BMI1: variants seen among roughly 807,000 people sequenced by gnomAD.
BMI1 encodes BMI1 proto-oncogene, polycomb ring finger.
A neutral mutation model predicts 39.1 loss-of-function variants in BMI1; 9 were observed. The ratio of observed to expected loss-of-function variants is 0.23; its 90% CI spans 0.14 to 0.40. The LOEUF (loss-of-function observed/expected upper bound fraction) is 0.40, where lower values mean the gene tolerates loss of function less well. Among genes scored for constraint, BMI1 ranks in the 10% least tolerant of loss-of-function variants. The probability of loss-of-function intolerance (pLI) is 1.00; values close to 1 mark genes in which losing one functional copy is unlikely to be tolerated. For missense variants in BMI1, 252 were observed against 390.8 expected, an observed-to-expected ratio of 0.64 and a Z score of 2.99; for synonymous variants, 131 against 127.9, an observed-to-expected ratio of 1.02 and a Z score of -0.16.
chr10:22,322,069 C>T (rs926892857), intron 1 of BMI1: 3 of 151,568 alleles, frequency 2.0e-5, no homozygotes, highest in African/African-American at 7.3e-5. Context: ...CCCGCTCCCC[C>T]GGGCGCCCCT....
At position 22,328,701 on chromosome 10, in the gene BMI1, A is replaced by T; in HGVS notation, c.570+3A>T. 6.4e-7 allele frequency: 1 copy of T among 1,563,192 alleles called. No individual in the cohort carries two copies. Among genetic ancestry groups the T allele is most frequent in the Non-Finnish European group, 8.6e-7 (1 of 1,159,888 alleles). On this transcript the variant is annotated splice_donor_region_variant and intron_variant, in intron 8 of 9. Coordinates refer to ENST00000376663, the MANE Select transcript of BMI1 (RefSeq NM_005180.9). Reference sequence around the variant, plus strand: ...TGGACATACCTAATACTTTCCAGGTATCTACTTTTATATTCTTCTTGCATT... The same window carrying T: ...TGGACATACCTAATACTTTCCAGGTTTCTACTTTTATATTCTTCTTGCATT...
At position 22,329,495 on chromosome 10, in the gene BMI1, C is replaced by T. The variant is rs142604751; in HGVS notation, c.934C>T (p.Pro312Ser). ...CCACCAATCTTCTTTTGCCAATAGA[C>T]CTCGAAAATCATCAGTAAATGGGTC... Reference protein sequence around the residue: ...GNHQSSFANRPRKSSVNGSSA... With the variant: ...GNHQSSFANRSRKSSVNGSSA... Residue 312 changes from proline (P) to serine (S), a missense_variant, in exon 10 of 10, where the codon CCT becomes TCT. Pro to Ser is a moderately conservative substitution (Grantham distance 74). Coordinates refer to ENST00000376663, the MANE Select transcript of BMI1 (RefSeq NM_005180.9). 2.5e-6 allele frequency: 4 copies of T among 1,614,022 alleles called. No individual in the cohort carries two copies. The Admixed American group carries it at 5.0e-5, about 20-fold the overall frequency.
Position 22,330,689 on chromosome 10 carries a change from T to C in BMI1, c.*1147T>C, listed in dbSNP as rs1031944856. 2.0e-5 allele frequency: 3 copies of C among 152,372 alleles called. No homozygotes were observed. The highest frequency in any genetic ancestry group is 2.0e-4 in the Admixed American group (3 of 15,292). The allele number at this position is 152,372 out of a possible 1,614,324, so 9.4% of individuals were successfully genotyped here. On this transcript the variant is annotated 3_prime_UTR_variant, in exon 10 of 10. Coordinates refer to ENST00000376663, the MANE Select transcript of BMI1 (RefSeq NM_005180.9). ...AGAAGGCATTTTATCTAAAGTTATTTTAATAGGTGGTATAGCAGTAATTTT... is the reference window on the plus strand; with the variant it reads ...AGAAGGCATTTTATCTAAAGTTATTCTAATAGGTGGTATAGCAGTAATTTT...
chr10:22,328,995 AAT>A, intron 8 of BMI1, 51 bp from the exon 9 acceptor site: 1 of 1,508,464 alleles, frequency 6.6e-7, no homozygotes. Context: ...AATGACAAAA[AAT>A]GTACATTTAC....
chr10:22,331,666 A>G (rs1287644452), downstream of BMI1, among the ~76,000 whole-genome samples: 3 of 152,170 alleles, frequency 2.0e-5, no homozygotes, highest in Non-Finnish European at 4.4e-5. Context: ...GACTTACATA[A>G]AACCAAGTTA....
chr10:22,329,484 T>C lies in BMI1; in HGVS notation c.923T>C (p.Phe308Ser). ...NSPSGNHQSS[F>S]ANRPRKSSVN... ...CCCAGCGGTAACCACCAATCTTCTT[T>C]TGCCAATAGACCTCGAAAATCATCA... Residue 308 changes from phenylalanine to serine, a missense_variant, in exon 10 of 10, where the codon TTT becomes TCT. Transcript: ENST00000376663. 1.2e-6 allele frequency: 2 copies of C among 1,614,222 alleles called. No individual in the cohort carries two copies. The highest frequency in any genetic ancestry group is 8.5e-7 in the Non-Finnish European group (1 of 1,180,030).
intron 1 of BMI1, among the ~76,000 whole-genome samples, chr10:22,323,401 C>A (rs1018867706): frequency 6.6e-6 from 1 of 152,182 alleles, no homozygotes; most frequent in African/African-American, 2.4e-5. Flanking sequence ...ACTTTGTATG[C>A]ATGTATACAC....
At position 22,322,394 on chromosome 10, in the gene BMI1, C is replaced by G. The variant is rs370178514; in HGVS notation, c.-20+698C>G. On this transcript the variant is annotated intron_variant, in intron 1 of 9. Transcript: ENST00000376663. ...GTTATTAACTTAAGTTGGGGGGACA[C>G]TTGTCTGAGATTGGATGGCTGGTAA... Among the ~76,000 whole-genome samples, 17 of 152,310 alleles carry G rather than the reference C, an allele frequency of 1.1e-4. No homozygotes were observed. The South Asian group carries it at 2.5e-3, about 22-fold the overall frequency.
intron 1 of BMI1, chr10:22,325,531 G>C (rs1027897991): frequency 6.7e-6 from 1 of 149,996 alleles, no homozygotes; most frequent in African/African-American, 2.4e-5. Context: ...CCGCTCCCCA[G>C]CGCTGTGGCC....
rs113205079 is a variant in BMI1 at position 22,324,395 on chromosome 10, T to C, written c.-19-2036T>C. On this transcript the variant is annotated intron_variant, in intron 1 of 9. Coordinates refer to ENST00000376663, the MANE Select transcript of BMI1 (RefSeq NM_005180.9). ...ATTTGATTTAAATATTGCTACTCTT[T>C]AGGGTCATTGCTCTACCTACAACTC... Among the ~76,000 whole-genome samples the C allele has an allele frequency of 4.0e-3, 617 of 152,352 alleles. 1 individual carries two copies. The highest frequency in any genetic ancestry group is 6.2e-3 in the Non-Finnish European group (423 of 68,028).
rs1340987569 is a variant in BMI1, at chr10:22,321,197, G to GCCCGCCTC, written c.-515_-508dup. ...CGCACACACACGGCGCCCCCCGCCC[G>GCCCGCCTC]CCCGCCTCCCCCACAGCAACTATGA... On this transcript the variant is annotated 5_prime_UTR_variant, in exon 1 of 10. Coordinates refer to ENST00000376663, the MANE Select transcript of BMI1 (RefSeq NM_005180.9). 1 of 76,872 alleles carries GCCCGCCTC rather than the reference G, an allele frequency of 1.3e-5. No homozygotes were observed. Among genetic ancestry groups the GCCCGCCTC allele is most frequent in the African/African-American group, 4.8e-5 (1 of 20,630 alleles). 4.8% of individuals were successfully genotyped at this position (76,872 alleles called of 1,614,324 possible).
chr10:22,325,659 C>T (rs1479447115), intron 1 of BMI1: 1 of 148,448 alleles, frequency 6.7e-6, no homozygotes, highest in Non-Finnish European at 1.5e-5. Context: ...CCCCGCACGC[C>T]CGCCGAGGCT....
In BMI1 at chr10:22,329,528, A is replaced by T; in HGVS notation, c.967A>T (p.Thr323Ser). The stretch of plus-strand genomic sequence containing the variant: ...ATCATCAGTAAATGGGTCATCAGCA[A>T]CTTCTTCTGGTTGATACCTGAGACT... Reference protein sequence around the residue: ...RKSSVNGSSATSSG With the variant: ...RKSSVNGSSASSSG Residue 323 changes from threonine (T) to serine (S), a missense_variant, in exon 10 of 10, where the codon ACT becomes TCT. Thr to Ser is a moderately conservative substitution (Grantham distance 58). This residue lies in a region of BMI1 where 96 missense variants were observed against 120.2 expected (regional missense o/e 0.80). Transcript: ENST00000376663. 1.2e-6 allele frequency: 2 copies of T among 1,613,826 alleles called. No homozygotes were observed. The highest frequency in any genetic ancestry group is 1.7e-6 in the Non-Finnish European group (2 of 1,179,780).
At chr10:22,324,208 A>T (rs973843887) in intron 1 of BMI1, among the ~76,000 whole-genome samples, 6 of 152,156 alleles carry the variant, frequency 3.9e-5, no homozygotes, top group Non-Finnish European at 7.4e-5. Context: ...TTTTTATTGG[A>T]GCCCCTTCAT....
Position 22,331,047 on chromosome 10 carries a change from A to G in BMI1, c.*1505A>G, listed in dbSNP as rs1226433292. ...CTATTGCTTTGTCTTGCTTATAGTC[A>G]TTAAATCATTACTTTTACATATATT... is the stretch of plus-strand genomic sequence containing the variant. On this transcript the variant is annotated 3_prime_UTR_variant, in exon 10 of 10. Transcript: ENST00000376663. 3 of 152,600 alleles carry G rather than the reference A, an allele frequency of 2.0e-5. No homozygotes were observed. Among genetic ancestry groups the G allele is most frequent in the Admixed American group, 6.5e-5 (1 of 15,284 alleles). 9.5% of individuals were successfully genotyped at this position (152,600 alleles called of 1,614,324 possible). A position where few individuals can be genotyped will look rare whatever the true frequency, so the allele number is the denominator to read the frequency against.
In BMI1 at chr10:22,329,025, TTAA is replaced by T. The variant is rs1219874998; in HGVS notation, c.571-19_571-17del. 1 of 1,564,998 alleles carries T rather than the reference TTAA, an allele frequency of 6.4e-7. No homozygotes were observed. Among genetic ancestry groups the T allele is most frequent in the Non-Finnish European group, 8.7e-7 (1 of 1,155,740 alleles). ...ACATTTACCTTTGTTCTTTTATTAC[TTAA>T]TAAAAATATTTTTCACTAGATTGAT... On this transcript the variant is annotated intron_variant, in intron 8 of 9. Coordinates refer to ENST00000376663, the MANE Select transcript of BMI1 (RefSeq NM_005180.9).
intron 5 of BMI1, 26 bp downstream of exon 5, chr10:22,327,818 A>T: frequency 1.2e-6 from 2 of 1,612,972 alleles, no homozygotes; most frequent in African/African-American, 1.3e-5. Context: ...GAGGGAAGAC[A>T]TTTTATATGG....
At chr10:22,324,829 A>G (rs529629377) in intron 1 of BMI1, among the ~76,000 whole-genome samples, 2 of 152,344 alleles carry the variant, frequency 1.3e-5, no homozygotes, top group African/African-American at 2.4e-5. Context: ...CAAGAATACT[A>G]CACGAAGTAT....
In BMI1 at chr10:22,326,300, A is replaced by T. The variant is rs1053206579; in HGVS notation, c.-19-131A>T. Reference sequence around the variant, plus strand: ...GATCTGATGAGTAAATTCCTTCTGTAGAAACGTTAGGACAGCCCAGCTGTA... The same window carrying T: ...GATCTGATGAGTAAATTCCTTCTGTTGAAACGTTAGGACAGCCCAGCTGTA... On this transcript the variant is annotated intron_variant, in intron 1 of 9. Transcript: ENST00000376663. 31 of 1,273,588 alleles carry T rather than the reference A, an allele frequency of 2.4e-5. 1 individual carries two copies. The Admixed American group carries it at 2.6e-4, about 11-fold the overall frequency. 78.9% of individuals were successfully genotyped at this position (1,273,588 alleles called of 1,614,324 possible).
Sources: allele counts gnomAD v4.1 joint callset (sites outside exome capture counted in the v4.1 genomes callset), GRCh38; gene constraint gnomAD v4.1.1; regional missense constraint gnomAD v4.1.1; transcripts MANE v1.5; gene names NCBI Gene and HGNC (gene_info 2026-07-23, HGNC 2026-07-21).